The following ADAM22 variants were observed in gnomAD, a reference collection of about 807,000 sequenced individuals.
ADAM22 encodes the protein ADAM metallopeptidase domain 22.
Under a neutral mutation model 144.6 loss-of-function variants are expected in ADAM22, and 65 were observed. The ratio of observed to expected loss-of-function variants is 0.45; its 90% confidence interval spans 0.37 to 0.55. The LOEUF is 0.55. Ranked by LOEUF, ADAM22 falls within the 20% of genes least tolerant of loss-of-function variation. ADAM22 has a pLI of 0.00. For synonymous variants in ADAM22, 391 were observed against 412.6 expected, an observed-to-expected ratio of 0.95 and a Z score of 0.63; for missense variants, 974 against 1,184.9, an observed-to-expected ratio of 0.82 and a Z score of 2.61.
intron 3 of ADAM22, among the ~76,000 whole-genome samples, chr7:88,011,342 C>T (rs1795334969): frequency 6.6e-6 from 1 of 152,082 alleles, no homozygotes; most frequent in African/African-American, 2.4e-5. Flanking sequence ...GAGATTGAGA[C>T]CATCCTGGCT....
At position 88,039,465 on chromosome 7, in the gene ADAM22, AT is replaced by A. The variant is rs1338296377; in HGVS notation, c.324-36160del. 7.3e-3 allele frequency among the ~76,000 whole-genome samples: 610 copies of A among 83,970 alleles called. 27 individuals carry two copies. The highest frequency in any genetic ancestry group is 0.054 in the East Asian group (127 of 2,360). 55.1% of individuals were successfully genotyped at this position (83,970 alleles called of 152,430 possible). A position where few individuals can be genotyped will look rare whatever the true frequency, so the allele number is the denominator to read the frequency against. The stretch of plus-strand genomic sequence containing the variant: ...ATTCTGTCTCAAAAAAAAAAAAAAA[AT>A]ATATATATATATATATATACATTTC... On this transcript the variant is annotated intron_variant, in intron 3 of 31. Transcript: ENST00000413139.
intron 3 of ADAM22, among the ~76,000 whole-genome samples, chr7:87,986,541 G>A (rs1419235744): frequency 6.6e-6 from 1 of 152,180 alleles, no homozygotes; most frequent in Non-Finnish European, 1.5e-5. Flanking sequence ...CCAGGGACTA[G>A]AGACTTACAG....
intron 3 of ADAM22, among the ~76,000 whole-genome samples, chr7:88,008,039 A>C (rs1208199834): frequency 6.6e-6 from 1 of 152,224 alleles, no homozygotes; most frequent in Non-Finnish European, 1.5e-5. Context: ...CAACGAACTC[A>C]AACAAATTTA....
Position 88,155,883 on chromosome 7 carries a change from A to G in ADAM22, c.1788-4A>G, listed in dbSNP as rs1839813550. 1.2e-6 allele frequency: 2 copies of G among 1,611,804 alleles called. No individual in the cohort carries two copies. The highest frequency in any genetic ancestry group is 2.2e-5 in the East Asian group (1 of 44,774). ...AAGAAGTAATTGGTAATCTTTTGAT[A>G]CAGGGATGTGCTTTGTGGTTACCTT... is the stretch of plus-strand genomic sequence containing the variant. On this transcript the variant is annotated splice_polypyrimidine_tract_variant and splice_region_variant and intron_variant, in intron 21 of 31. Coordinates refer to ENST00000413139, the MANE Select transcript of ADAM22 (RefSeq NM_001324418.2).
intron 2 of ADAM22, among the ~76,000 whole-genome samples, chr7:87,950,260 G>T (rs1429256185): frequency 6.7e-6 from 1 of 149,362 alleles, no homozygotes; most frequent in Non-Finnish European, 1.5e-5. Context: ...TTAGCATTAG[G>T]TATATCTCCT....
At chr7:88,171,701 CTT>C (rs1844362124) in intron 26 of ADAM22, 140 bp downstream of exon 26, 2 of 627,990 alleles carry the variant, frequency 3.2e-6, no homozygotes, top group South Asian at 3.2e-5. Context: ...TTTTCATTAT[CTT>C]GAGGTAATTT....
At chr7:87,966,052 C>T (rs559020950) in intron 2 of ADAM22, among the ~76,000 whole-genome samples, 36 of 152,180 alleles carry the variant, frequency 2.4e-4, no homozygotes, top group Non-Finnish European at 4.3e-4. Context: ...TCACAGCATT[C>T]TGTAATTGTG....
chr7:87,957,137 T>G (rs550547661), intron 2 of ADAM22, among the ~76,000 whole-genome samples: 59 of 152,284 alleles, frequency 3.9e-4, no homozygotes, highest in African/African-American at 1.4e-3. Flanking sequence ...TTTAGACATC[T>G]CTGGCTAAAA....
At chr7:88,000,989 T>C (rs1050586033) in intron 3 of ADAM22, among the ~76,000 whole-genome samples, 1 of 152,222 alleles carries the variant, frequency 6.6e-6, no homozygotes, top group African/African-American at 2.4e-5. Flanking sequence ...GCTCAGGCAC[T>C]ATGATTGCAT....
At chr7:88,100,387 G>A (rs1179490277) in intron 4 of ADAM22, among the ~76,000 whole-genome samples, 1 of 152,112 alleles carries the variant, frequency 6.6e-6, no homozygotes, top group Non-Finnish European at 1.5e-5. Flanking sequence ...TGGCATTTGG[G>A]AACCATGTGA....
At chr7:87,948,008 A>G (rs1844129792) in intron 2 of ADAM22, among the ~76,000 whole-genome samples, 1 of 152,132 alleles carries the variant, frequency 6.6e-6, no homozygotes. Context: ...CCAACATTAC[A>G]TCAGGTTTTC....
chr7:87,980,510 G>T (rs1853113842), intron 3 of ADAM22, among the ~76,000 whole-genome samples: 4 of 151,832 alleles, frequency 2.6e-5, no homozygotes, highest in Admixed American at 2.6e-4. Context: ...AAGCAATTCT[G>T]GGGCTGTGGA....
chr7:88,032,416 C>T (rs928822133), intron 3 of ADAM22, among the ~76,000 whole-genome samples: 8 of 152,182 alleles, frequency 5.3e-5, no homozygotes, highest in African/African-American at 1.7e-4. Context: ...GCCAATTTCT[C>T]CTTTTTGGAA....
At chr7:88,079,426 A>T (rs981173912) in intron 4 of ADAM22, among the ~76,000 whole-genome samples, 49 of 152,352 alleles carry the variant, frequency 3.2e-4, no homozygotes, top group African/African-American at 1.1e-3. Context: ...GGCTAGGAAG[A>T]AACTGCATCA....
chr7:88,122,675 G>A (rs777084942), intron 7 of ADAM22, among the ~76,000 whole-genome samples: 1 of 152,146 alleles, frequency 6.6e-6, no homozygotes, highest in East Asian at 1.9e-4. Flanking sequence ...AAAGAGACAA[G>A]TTATCTGCCC....
intron 3 of ADAM22, among the ~76,000 whole-genome samples, chr7:87,993,810 A>G (rs1399386483): frequency 1.3e-5 from 2 of 152,164 alleles, no homozygotes; most frequent in Non-Finnish European, 2.9e-5. Flanking sequence ...AATAGGTGGT[A>G]TTTTAGGACA....
chr7:88,150,748 C>A (rs1033930495), intron 18 of ADAM22, among the ~76,000 whole-genome samples: 1 of 151,994 alleles, frequency 6.6e-6, no homozygotes, highest in Non-Finnish European at 1.5e-5. Flanking sequence ...GGCAAGTGTA[C>A]CCATTGTTTT....
chr7:88,034,829 C>T (rs528417510), intron 3 of ADAM22, among the ~76,000 whole-genome samples: 5 of 152,308 alleles, frequency 3.3e-5, no homozygotes, highest in African/African-American at 1.2e-4. Context: ...CCCACAATTG[C>T]TGTGCTCTCC....
In ADAM22 at chr7:88,142,510, C is replaced by T. The variant is rs569110658; in HGVS notation, c.1221-516C>T. Among the ~76,000 whole-genome samples the T allele has an allele frequency of 2.2e-4, 33 of 152,258 alleles. 2 individuals carry two copies. The highest frequency in any genetic ancestry group is 6.8e-3 in the Middle Eastern group (2 of 294). Reference sequence around the variant, plus strand: ...GCACATGCAAATAATGAAAAACCCACAGTAACTATTAGTCACCAAATGAGG... The same window carrying T: ...GCACATGCAAATAATGAAAAACCCATAGTAACTATTAGTCACCAAATGAGG... On this transcript the variant is annotated intron_variant, in intron 14 of 31. Coordinates refer to ENST00000413139, the MANE Select transcript of ADAM22 (RefSeq NM_001324418.2).
Sources: gnomAD v4.1 joint callset for allele counts (sites outside exome capture counted in the v4.1 genomes callset) on GRCh38, gnomAD v4.1.1 for gene constraint, MANE v1.5 for transcripts, NCBI Gene and HGNC (gene_info 2026-07-23, HGNC 2026-07-21) for gene names.